MARCHF1: variants seen among roughly 807,000 people sequenced by gnomAD.
MARCHF1 encodes the protein E3 ubiquitin-protein ligase MARCHF1.
MARCHF1 carries 40 observed loss-of-function variants against 54.2 expected under a neutral mutation model. The observed-to-expected ratio is 0.74, with a 90% CI of 0.57 to 0.96. The LOEUF (loss-of-function observed/expected upper bound fraction) is 0.96, where lower values mean the gene tolerates loss of function less well. MARCHF1 is among the 40% of genes least tolerant of loss of function. MARCHF1 has a pLI of 0.00. For synonymous variants in MARCHF1, 236 were observed against 236.3 expected, an observed-to-expected ratio of 1.00 and a Z score of 0.01; for missense variants, 586 against 656.5, an observed-to-expected ratio of 0.89 and a Z score of 1.17.
chr4:164,156,209 A>G (rs1466106210), intron 1 of MARCHF1, among the ~76,000 whole-genome samples: 1 of 152,162 alleles, frequency 6.6e-6, no homozygotes, highest in Non-Finnish European at 1.5e-5. Flanking sequence ...CAAGAACTCC[A>G]AAAAATTTTT....
At chr4:164,275,125 T>C (rs1560983872) in intron 1 of MARCHF1, among the ~76,000 whole-genome samples, 1 of 151,702 alleles carries the variant, frequency 6.6e-6, no homozygotes, top group South Asian at 2.1e-4. Context: ...TAAAATATAA[T>C]AAGAGATAAG....
chr4:164,268,737 T>C (rs1383940441), intron 1 of MARCHF1, among the ~76,000 whole-genome samples: 4 of 152,194 alleles, frequency 2.6e-5, no homozygotes, highest in Non-Finnish European at 5.9e-5. Flanking sequence ...ATATAAAGAA[T>C]TGTCCAGAAA....
chr4:163,673,580 G>C (rs570728174), intron 5 of MARCHF1, among the ~76,000 whole-genome samples: 7 of 152,050 alleles, frequency 4.6e-5, no homozygotes, highest in Admixed American at 1.3e-4. Flanking sequence ...AGCCATTTTA[G>C]GAAATGCAGG....
At position 163,581,091 on chromosome 4, in the gene MARCHF1, C is replaced by A. The variant is rs1244779215; in HGVS notation, c.1191+4658G>T. Reference sequence around the variant, plus strand: ...TGCTGGGATTACAGGCGTGAGCCACCGCGCCCGGCCAGTATTAAAGTTTTG... The same window carrying A: ...TGCTGGGATTACAGGCGTGAGCCACAGCGCCCGGCCAGTATTAAAGTTTTG... On this transcript the variant is annotated intron_variant, in intron 8 of 9. Coordinates refer to ENST00000514618, the MANE Select transcript of MARCHF1 (RefSeq NM_001394959.1). 9.5e-5 allele frequency among the ~76,000 whole-genome samples: 4 copies of A among 41,908 alleles called. 2 individuals are homozygous for A. The highest frequency in any genetic ancestry group is 2.0e-4 in the Non-Finnish European group (4 of 20,046). 27.5% of individuals were successfully genotyped at this position (41,908 alleles called of 152,430 possible). A position where few individuals can be genotyped will look rare whatever the true frequency, so the allele number is the denominator to read the frequency against.
chr4:163,895,058 T>TAAATATGCATGTGAC (rs1560808299), intron 3 of MARCHF1, among the ~76,000 whole-genome samples: 2 of 122,324 alleles, frequency 1.6e-5, no homozygotes, highest in Admixed American at 7.7e-5. Context: ...ATGCATGTGA[T>TAAATATGCATGTGAC]GCATAAATAT....
At chr4:164,205,537 TTTTAAAGTTTCCTATTTAA>T (rs1731582937) in intron 1 of MARCHF1, among the ~76,000 whole-genome samples, 1 of 152,146 alleles carries the variant, frequency 6.6e-6, no homozygotes, top group Non-Finnish European at 1.5e-5. Flanking sequence ...AAAAGAAAGA[TTTTAAAGTTTCCTATTTAA>T]TTTAAAATAA....
At chr4:163,531,707 T>C (rs1738359839) in intron 9 of MARCHF1, among the ~76,000 whole-genome samples, 1 of 151,926 alleles carries the variant, frequency 6.6e-6, no homozygotes, top group Non-Finnish European at 1.5e-5. Flanking sequence ...TAAGTTTTTT[T>C]TTTAAATAGG....
intron 1 of MARCHF1, among the ~76,000 whole-genome samples, chr4:164,313,320 G>T (rs997960358): frequency 6.8e-6 from 1 of 147,662 alleles, no homozygotes. Flanking sequence ...CTGCACTCCA[G>T]CCTGGGTGGC....
At chr4:164,108,207 AC>A (rs1305474445) in intron 2 of MARCHF1, among the ~76,000 whole-genome samples, 1 of 152,082 alleles carries the variant, frequency 6.6e-6, no homozygotes, top group African/African-American at 2.4e-5. Context: ...ATTGCTCCCC[AC>A]TATTAATAAA....
chr4:164,177,116 T>G (rs992623411), intron 1 of MARCHF1, among the ~76,000 whole-genome samples: 6 of 151,106 alleles, frequency 4.0e-5, no homozygotes, highest in Non-Finnish European at 8.9e-5. Context: ...CCCTTAATAG[T>G]TTCAATCGTA....
intron 1 of MARCHF1, among the ~76,000 whole-genome samples, chr4:164,356,918 C>T (rs1242106069): frequency 1.3e-5 from 2 of 151,486 alleles, no homozygotes; most frequent in African/African-American, 2.4e-5. Context: ...CACATGGACA[C>T]ATAGAGGAGA....
chr4:163,607,964 C>T (rs1325834139), intron 7 of MARCHF1, among the ~76,000 whole-genome samples: 1 of 152,094 alleles, frequency 6.6e-6, no homozygotes, highest in Non-Finnish European at 1.5e-5. Flanking sequence ...TCCATGTTGG[C>T]TCTACAGCAG....
At chr4:163,661,087 G>T (rs1192246327) in intron 5 of MARCHF1, among the ~76,000 whole-genome samples, 1 of 151,886 alleles carries the variant, frequency 6.6e-6, no homozygotes, top group South Asian at 2.1e-4. Flanking sequence ...AAATTTAGTT[G>T]TCTTTCTGAT....
chr4:163,746,475 G>A (rs1746364311), intron 4 of MARCHF1, among the ~76,000 whole-genome samples: 3 of 152,108 alleles, frequency 2.0e-5, no homozygotes, highest in Admixed American at 2.0e-4. Context: ...ACATTTATGT[G>A]CAGGGTTTTT....
intron 1 of MARCHF1, among the ~76,000 whole-genome samples, chr4:164,163,953 A>C (rs923546233): frequency 6.6e-6 from 1 of 151,962 alleles, no homozygotes; most frequent in Non-Finnish European, 1.5e-5. Flanking sequence ...AACATTTGGA[A>C]ACTAAATGAC....
At chr4:163,934,757 T>C (rs1225592419) in intron 3 of MARCHF1, among the ~76,000 whole-genome samples, 3 of 151,304 alleles carry the variant, frequency 2.0e-5, no homozygotes, top group South Asian at 2.1e-4. Flanking sequence ...AGTCATCTAT[T>C]AGGACTGAAG....
chr4:164,349,511 T>G (rs1406892168), intron 1 of MARCHF1, among the ~76,000 whole-genome samples: 1 of 152,184 alleles, frequency 6.6e-6, no homozygotes, highest in Non-Finnish European at 1.5e-5. Context: ...TTCTAATATA[T>G]ATCCTTTTCA....
chr4:163,707,181 T>A (rs1333700436), intron 4 of MARCHF1, among the ~76,000 whole-genome samples: 1 of 152,054 alleles, frequency 6.6e-6, no homozygotes, highest in East Asian at 1.9e-4. Context: ...GTGGGAAAGA[T>A]TTACATAGCT....
At chr4:164,139,626 C>G (rs749682732) in intron 1 of MARCHF1, among the ~76,000 whole-genome samples, 1 of 152,010 alleles carries the variant, frequency 6.6e-6, no homozygotes, top group Non-Finnish European at 1.5e-5. Context: ...TGAGAGAAAC[C>G]CAGATATTAG....
Sources: gnomAD v4.1 joint callset for allele counts (sites outside exome capture counted in the v4.1 genomes callset) on GRCh38, gnomAD v4.1.1 for gene constraint, MANE v1.5 for transcripts, NCBI Gene and HGNC (gene_info 2026-07-23, HGNC 2026-07-21) for gene names.